CPNE4: variants seen among roughly 807,000 people sequenced by gnomAD.
CPNE4 encodes the protein copine-4.
In CPNE4, 25 loss-of-function variants were observed where a neutral mutation model predicts 67.9. The observed-to-expected ratio is 0.37, with a 90% CI of 0.27 to 0.51. The LOEUF is 0.51. Ranked by LOEUF, CPNE4 falls within the 20% of genes least tolerant of loss-of-function variation. The pLI, the probability that CPNE4 is intolerant of heterozygous loss-of-function variation, is 0.93. For synonymous variants in CPNE4, 242 were observed against 244.9 expected (o/e 0.99, Z 0.11); for missense variants, 464 against 690.8 (o/e 0.67, Z 3.68).
intron 2 of CPNE4, among the ~76,000 whole-genome samples, chr3:131,799,940 TGTG>T (rs2084042860): frequency 6.6e-6 from 1 of 151,616 alleles, no homozygotes; most frequent in Non-Finnish European, 1.5e-5. Context: ...TGTGTGTGTG[TGTG>T]TGTGTGTGTG....
chr3:131,859,633 G>T (rs2086592725), intron 2 of CPNE4, among the ~76,000 whole-genome samples: 2 of 152,060 alleles, frequency 1.3e-5, no homozygotes, highest in Admixed American at 6.6e-5. Flanking sequence ...ATTTTTAAAG[G>T]TCCATAAATA....
chr3:132,028,679 T>C (rs192208421), intron 1 of CPNE4, among the ~76,000 whole-genome samples: 1 of 152,318 alleles, frequency 6.6e-6, no homozygotes, highest in Admixed American at 6.5e-5. Context: ...ATGGCGAAAG[T>C]AATTTTATTT....
intron 1 of CPNE4, among the ~76,000 whole-genome samples, chr3:132,012,746 C>A (rs1326720920): frequency 1.3e-5 from 2 of 152,100 alleles, no homozygotes; most frequent in East Asian, 3.9e-4. Flanking sequence ...AGGGACTTAC[C>A]TGGAGCATGG....
chr3:131,909,876 T>A (rs916712989), intron 1 of CPNE4, among the ~76,000 whole-genome samples: 6 of 150,460 alleles, frequency 4.0e-5, no homozygotes, highest in African/African-American at 1.5e-4. Context: ...AGAATAAACA[T>A]ATAAACTGGA....
intron 7 of CPNE4, among the ~76,000 whole-genome samples, chr3:131,655,793 AC>A (rs1039736782): frequency 5.5e-4 from 83 of 152,096 alleles, no homozygotes; most frequent in African/African-American, 2.0e-3. Context: ...TCCCTCTTCT[AC>A]TTTATTCTAT....
chr3:131,616,907 G>C (rs1007653948), intron 7 of CPNE4, among the ~76,000 whole-genome samples: 2 of 152,184 alleles, frequency 1.3e-5, no homozygotes, highest in African/African-American at 4.8e-5. Context: ...GGCAATCCCT[G>C]TAAGGCTTTG....
chr3:131,913,080 C>T (rs1238724), intron 1 of CPNE4, among the ~76,000 whole-genome samples: 111,488 of 151,984 alleles, frequency 0.73, 41,073 homozygotes, highest in Admixed American at 0.81. Context: ...AGCTCTACTA[C>T]TGTTAAAGTA....
intron 2 of CPNE4, among the ~76,000 whole-genome samples, chr3:131,818,670 C>A (rs1474929144): frequency 2.0e-5 from 3 of 152,184 alleles, no homozygotes; most frequent in Non-Finnish European, 4.4e-5. Flanking sequence ...GTTTGAGAAA[C>A]AAGAAGCACA....
At chr3:132,017,072 A>T (rs1240582057) in intron 1 of CPNE4, among the ~76,000 whole-genome samples, 1 of 152,226 alleles carries the variant, frequency 6.6e-6, no homozygotes, top group Non-Finnish European at 1.5e-5. Flanking sequence ...GTAATGCAGG[A>T]CAAAAATGTC....
chr3:131,699,538 CG>C (rs2081242671), intron 4 of CPNE4, among the ~76,000 whole-genome samples: 1 of 152,096 alleles, frequency 6.6e-6, no homozygotes, highest in South Asian at 2.1e-4. Flanking sequence ...AAATGAGAGA[CG>C]AGGACACGTA....
chr3:131,977,422 T>A (rs2072691794), intron 1 of CPNE4, among the ~76,000 whole-genome samples: 1 of 152,138 alleles, frequency 6.6e-6, no homozygotes, highest in Non-Finnish European at 1.5e-5. Context: ...TAGCACAGGA[T>A]AAGAGACACT....
At chr3:131,714,517 A>C (rs1245380259) in intron 3 of CPNE4, among the ~76,000 whole-genome samples, 3 of 152,184 alleles carry the variant, frequency 2.0e-5, no homozygotes, top group Non-Finnish European at 4.4e-5. Flanking sequence ...TGTCCTCTTC[A>C]ATTTCTCCAG....
Position 131,809,661 on chromosome 3 carries a change from T to C in CPNE4, c.181-86036A>G, listed in dbSNP as rs372486054. ...TGAAAACCAGTGGAATATATGCTAA[T>C]AGGAAATCAAATGTGGACAAACAAA... is the stretch of plus-strand genomic sequence containing the variant. On this transcript the variant is annotated intron_variant, in intron 2 of 15. Coordinates refer to ENST00000429747, the MANE Select transcript of CPNE4 (RefSeq NM_130808.3). 1.4e-4 allele frequency among the ~76,000 whole-genome samples: 22 copies of C among 152,252 alleles called. No individual in the cohort carries two copies. In the South Asian group the frequency reaches 4.6e-3, roughly 32 times the overall value.
At chr3:131,756,321 A>G (rs2082749566) in intron 2 of CPNE4, among the ~76,000 whole-genome samples, 1 of 152,194 alleles carries the variant, frequency 6.6e-6, no homozygotes, top group Admixed American at 6.5e-5. Context: ...TTGTTAGCTC[A>G]GACTTCCAAT....
At chr3:132,002,480 T>A (rs2073480760) in intron 1 of CPNE4, among the ~76,000 whole-genome samples, 2 of 152,126 alleles carry the variant, frequency 1.3e-5, no homozygotes, top group Admixed American at 6.5e-5. Flanking sequence ...TCTTCTTTTT[T>A]CCCAAGTTTA....
At chr3:132,001,902 A>C (rs2073461308) in intron 1 of CPNE4, among the ~76,000 whole-genome samples, 2 of 152,128 alleles carry the variant, frequency 1.3e-5, no homozygotes. Context: ...AATATACAAC[A>C]AAATTTCTTT....
intron 7 of CPNE4, among the ~76,000 whole-genome samples, chr3:131,610,054 T>G (rs767701368): frequency 6.6e-6 from 1 of 152,202 alleles, no homozygotes; most frequent in Non-Finnish European, 1.5e-5. Flanking sequence ...GAGTGTGTAA[T>G]GTATTACACT....
At chr3:131,709,527 A>G (rs896927517) in intron 3 of CPNE4, among the ~76,000 whole-genome samples, 1 of 152,188 alleles carries the variant, frequency 6.6e-6, no homozygotes, top group Non-Finnish European at 1.5e-5. Flanking sequence ...CATTCTCTAA[A>G]TCTTGTGTTA....
At chr3:131,752,355 G>C (rs1464697411) in intron 2 of CPNE4, among the ~76,000 whole-genome samples, 3 of 152,126 alleles carry the variant, frequency 2.0e-5, no homozygotes, top group African/African-American at 7.2e-5. Context: ...TTTTTGTCTA[G>C]CTTGGCTGTC....
Sources: allele counts gnomAD v4.1 joint callset (sites outside exome capture counted in the v4.1 genomes callset), GRCh38; gene constraint gnomAD v4.1.1; transcripts MANE v1.5; gene names NCBI Gene and HGNC (gene_info 2026-07-23, HGNC 2026-07-21).